Variants in TTC27 observed in about 807,000 individuals in gnomAD.
TTC27 encodes tetratricopeptide repeat protein 27.
A neutral mutation model predicts 115.9 loss-of-function variants in TTC27; 79 were observed. The ratio of observed to expected loss-of-function variants is 0.68; its 90% CI spans 0.57 to 0.82. The LOEUF is 0.82. Ranked by LOEUF, TTC27 falls within the 40% of genes least tolerant of loss-of-function variation. TTC27 has a pLI of 0.00. For synonymous variants in TTC27, 401 were observed against 356.0 expected (o/e 1.13, Z -1.42); for missense variants, 1,054 against 993.1 (o/e 1.06, Z -0.82).
intron 10 of TTC27, among the ~76,000 whole-genome samples, chr2:32,723,312 A>T (rs907799642): frequency 1.3e-5 from 2 of 152,142 alleles, no homozygotes; most frequent in Non-Finnish European, 2.9e-5. Flanking sequence ...AATTTGCTGA[A>T]CATATGTACC....
intron 3 of TTC27, among the ~76,000 whole-genome samples, chr2:32,635,772 G>C (rs886236866): frequency 2.6e-5 from 4 of 152,094 alleles, no homozygotes; most frequent in African/African-American, 9.7e-5. Context: ...TGATGGGGGG[G>C]TAGAAAGAGA....
At chr2:32,669,458 T>C (rs140071401) in intron 7 of TTC27, among the ~76,000 whole-genome samples, 3 of 152,382 alleles carry the variant, frequency 2.0e-5, no homozygotes, top group East Asian at 3.9e-4. Context: ...GTTGGTTATA[T>C]ATCATATTAC....
In TTC27 at chr2:32,647,669, T is replaced by A. The variant is rs1289594737; in HGVS notation, c.538-2462T>A. Among the ~76,000 whole-genome samples the A allele has an allele frequency of 2.6e-5, 4 of 152,072 alleles. No homozygotes were observed. In the East Asian group the frequency reaches 7.7e-4, roughly 29 times the overall value. On this transcript the variant is annotated intron_variant, in intron 4 of 19. Transcript: ENST00000317907. The stretch of plus-strand genomic sequence containing the variant: ...GTCTTAGTCAAATGAAGAAATTAAG[T>A]TCAAGCAAAAAAGTTCTTTGGAGCC...
intron 7 of TTC27, among the ~76,000 whole-genome samples, chr2:32,667,499 C>T (rs1405995133): frequency 6.7e-6 from 1 of 150,370 alleles, no homozygotes; most frequent in East Asian, 2.0e-4. Context: ...TCAATGCATC[C>T]TCCGCCTCCT....
At chr2:32,817,393 T>C in intron 18 of TTC27, 64 bp from the exon 19 acceptor site, 1 of 1,371,100 alleles carries the variant, frequency 7.3e-7, no homozygotes, top group Non-Finnish European at 1.0e-6. Context: ...ATAATTGGCT[T>C]TTGTACCTGT....
chr2:32,639,818 C>T (rs1378620964), intron 3 of TTC27, among the ~76,000 whole-genome samples: 1 of 152,140 alleles, frequency 6.6e-6, no homozygotes, highest in Non-Finnish European at 1.5e-5. Context: ...ACCTGGCCAA[C>T]ATGGTGAAAC....
rs756034879 is a variant in TTC27, at chr2:32,787,057, A to T, written c.1906A>T (p.Ile636Phe). The T allele has an allele frequency of 6.2e-7, 1 of 1,614,156 alleles. No individual in the cohort carries two copies. The highest frequency in any genetic ancestry group is 1.1e-5 in the South Asian group (1 of 91,076). Reference protein sequence around the residue: ...YEHWQIWENYILTSTDVGEFS... With the variant: ...YEHWQIWENYFLTSTDVGEFS... ...ACACTGGCAGATTTGGGAAAACTAC[A>T]TCCTCACCAGCACTGACGTTGGGGA... The change falls in exon 16 of 20, where the codon ATC (isoleucine) becomes TTC (phenylalanine). Residue 636 changes from isoleucine (I) to phenylalanine (F), a missense_variant. Coordinates refer to ENST00000317907, the MANE Select transcript of TTC27 (RefSeq NM_017735.5).
rs938102692 is a variant in TTC27, at chr2:32,672,204, A to G, written c.940-68A>G. ...ACTTTATCCTTTCTAGCAATCTATTACATGCCATTCTGGTGAATGAATAAA... is the reference window on the plus strand; with the variant it reads ...ACTTTATCCTTTCTAGCAATCTATTGCATGCCATTCTGGTGAATGAATAAA... On this transcript the variant is annotated intron_variant, in intron 7 of 19. Coordinates refer to ENST00000317907, the MANE Select transcript of TTC27 (RefSeq NM_017735.5). 123 of 1,115,350 alleles carry G rather than the reference A, an allele frequency of 1.1e-4. 1 individual carries two copies. In the Admixed American group the frequency reaches 2.1e-3, roughly 19 times the overall value. The allele number at this position is 1,115,350 out of a possible 1,614,324, so 69.1% of individuals were successfully genotyped here.
At chr2:32,634,122 A>G (rs114559410) in intron 3 of TTC27, 117 bp downstream of exon 3, 12,553 of 1,202,478 alleles carry the variant, frequency 0.01, 88 homozygotes, top group Non-Finnish European at 0.013. Flanking sequence ...GGTTTGCACA[A>G]AAGTACTAAG....
At chr2:32,640,062 G>T (rs1456305200) in intron 3 of TTC27, among the ~76,000 whole-genome samples, 1 of 152,104 alleles carries the variant, frequency 6.6e-6, no homozygotes, top group Admixed American at 6.6e-5. Flanking sequence ...TGATCAGATG[G>T]GTGGCCATCC....
chr2:32,789,841 G>GGCTGGAGAGGTTGAAGCTGCAGTGA (rs1263358487), intron 16 of TTC27, among the ~76,000 whole-genome samples: 3 of 148,176 alleles, frequency 2.0e-5, no homozygotes. Flanking sequence ...GGTTCCCTGA[G>GGCTGGAGAGGTTGAAGCTGCAGTGA]GCTGGAGAGG....
intron 9 of TTC27, among the ~76,000 whole-genome samples, chr2:32,686,877 C>G (rs1666648885): frequency 6.6e-6 from 1 of 152,122 alleles, no homozygotes; most frequent in Non-Finnish European, 1.5e-5. Flanking sequence ...TGGAGTCTCA[C>G]TCTGTCACCC....
intron 4 of TTC27, among the ~76,000 whole-genome samples, chr2:32,649,922 G>T (rs1665023928): frequency 6.6e-6 from 1 of 152,068 alleles, no homozygotes. Context: ...AAAAATACAG[G>T]TTTGAGAGGA....
intron 9 of TTC27, among the ~76,000 whole-genome samples, chr2:32,696,953 C>T (rs993177912): frequency 2.0e-4 from 30 of 152,288 alleles, no homozygotes; most frequent in African/African-American, 6.5e-4. Context: ...AATCCTAGCA[C>T]TTTGGGAGGC....
At chr2:32,633,278 C>T (rs1664282580) in intron 2 of TTC27, among the ~76,000 whole-genome samples, 1 of 152,146 alleles carries the variant, frequency 6.6e-6, no homozygotes, top group South Asian at 2.1e-4. Flanking sequence ...AGCCACTAGC[C>T]ACACTTAACT....
chr2:32,663,227 A>G (rs927110777), intron 5 of TTC27, among the ~76,000 whole-genome samples: 19 of 152,162 alleles, frequency 1.2e-4, no homozygotes, highest in African/African-American at 4.1e-4. Context: ...GGGGTATGAA[A>G]AAACTTCTGC....
chr2:32,684,284 A>G (rs1415837551), intron 9 of TTC27, among the ~76,000 whole-genome samples: 5 of 152,158 alleles, frequency 3.3e-5, no homozygotes, highest in African/African-American at 1.2e-4. Context: ...ATAGTATGCC[A>G]TGGTGTATAT....
At chr2:32,723,361 C>T (rs947571321) in intron 10 of TTC27, among the ~76,000 whole-genome samples, 15 of 152,046 alleles carry the variant, frequency 9.9e-5, no homozygotes. Context: ...GATCTTCAGC[C>T]TAGCCCGCAG....
chr2:32,667,045 GC>G (rs1269541187), intron 7 of TTC27, among the ~76,000 whole-genome samples: 1 of 151,812 alleles, frequency 6.6e-6, no homozygotes, highest in East Asian at 1.9e-4. Context: ...AATTAATGAT[GC>G]AGTTAGTTAT....
Sources: gnomAD v4.1 joint callset for allele counts (sites outside exome capture counted in the v4.1 genomes callset) on GRCh38, gnomAD v4.1.1 for gene constraint, MANE v1.5 for transcripts, NCBI Gene and HGNC (gene_info 2026-07-23, HGNC 2026-07-21) for gene names.